The following OXR1 variants were observed in gnomAD, a reference collection of about 807,000 sequenced individuals.
OXR1 encodes oxidation resistance 1, also known as oxidation resistance protein 1.
A neutral mutation model predicts 104.6 loss-of-function variants in OXR1; 41 were observed. The observed-to-expected ratio is 0.39, with a 90% CI of 0.31 to 0.51. The LOEUF is 0.51. Among genes scored for constraint, OXR1 ranks in the 20% least tolerant of loss-of-function variants. The probability of loss-of-function intolerance (pLI) is 0.77; values close to 1 mark genes in which losing one functional copy is unlikely to be tolerated. For synonymous variants in OXR1, 348 were observed against 348.4 expected (o/e 1.00, Z 0.01); for missense variants, 955 against 1,031.9 (o/e 0.93, Z 1.02).
At chr8:106,453,011 C>G (rs966375552) in intron 2 of OXR1, among the ~76,000 whole-genome samples, 1 of 152,118 alleles carries the variant, frequency 6.6e-6, no homozygotes, top group African/African-American at 2.4e-5. Flanking sequence ...GTGCTCTGCT[C>G]TTTCTCACCT....
intron 2 of OXR1, among the ~76,000 whole-genome samples, chr8:106,430,683 C>G (rs565394568): frequency 6.6e-6 from 1 of 152,236 alleles, no homozygotes; most frequent in Admixed American, 6.5e-5. Flanking sequence ...AATAATAGAG[C>G]CTTCTTATGA....
chr8:106,578,471 C>T (rs73699591), intron 3 of OXR1, among the ~76,000 whole-genome samples: 1,817 of 152,258 alleles, frequency 0.012, 16 homozygotes, highest in East Asian at 0.033. Context: ...ATGGTAACTC[C>T]GATAGAAGCT....
At chr8:106,511,438 A>G (rs1234865856) in intron 2 of OXR1, among the ~76,000 whole-genome samples, 2 of 152,168 alleles carry the variant, frequency 1.3e-5, no homozygotes, top group Admixed American at 1.3e-4. Context: ...TGTGCAAACC[A>G]CAGATGGTCT....
At chr8:106,609,914 A>G (rs890009771) in intron 3 of OXR1, among the ~76,000 whole-genome samples, 2 of 152,082 alleles carry the variant, frequency 1.3e-5, no homozygotes, top group East Asian at 3.9e-4. Flanking sequence ...AGTATGAACA[A>G]TAGTTGAATA....
chr8:106,513,425 A>G (rs1199905314), intron 2 of OXR1, among the ~76,000 whole-genome samples: 1 of 152,024 alleles, frequency 6.6e-6, no homozygotes, highest in Non-Finnish European at 1.5e-5. Context: ...ACACACACAC[A>G]CACACACTCA....
intron 3 of OXR1, among the ~76,000 whole-genome samples, chr8:106,626,317 C>G (rs1378391717): frequency 6.6e-6 from 1 of 151,030 alleles, no homozygotes; most frequent in Non-Finnish European, 1.5e-5. Context: ...TGAAGGTTAT[C>G]TTTAAAATTC....
intron 2 of OXR1, among the ~76,000 whole-genome samples, chr8:106,487,332 G>T: frequency 1.2e-5 from 1 of 81,078 alleles, no homozygotes; most frequent in Admixed American, 1.5e-4. Flanking sequence ...ATCTAAACCA[G>T]GTATTTCTTT....
intron 1 of OXR1, among the ~76,000 whole-genome samples, chr8:106,327,586 C>T (rs1180669529): frequency 2.6e-5 from 4 of 152,138 alleles, no homozygotes; most frequent in Admixed American, 1.3e-4. Flanking sequence ...TTGCTAAATG[C>T]AGCTCACCAC....
At chr8:106,420,635 A>G (rs1237397715) in intron 2 of OXR1, among the ~76,000 whole-genome samples, 1 of 151,906 alleles carries the variant, frequency 6.6e-6, no homozygotes, top group African/African-American at 2.4e-5. Flanking sequence ...CATTAAGAAG[A>G]TATCACATCA....
intron 2 of OXR1, among the ~76,000 whole-genome samples, chr8:106,397,965 A>G (rs557615375): frequency 8.5e-5 from 13 of 152,150 alleles, no homozygotes; most frequent in Non-Finnish European, 1.9e-4. Flanking sequence ...CCTAGCTTCC[A>G]GCAGTTTGCT....
chr8:106,331,085 G>T (rs1814695676), intron 1 of OXR1, among the ~76,000 whole-genome samples: 1 of 152,118 alleles, frequency 6.6e-6, no homozygotes, highest in Non-Finnish European at 1.5e-5. Context: ...GCCCAGAATT[G>T]CTTCAATACA....
intron 2 of OXR1, among the ~76,000 whole-genome samples, chr8:106,474,813 T>G (rs1821714300): frequency 6.6e-6 from 1 of 151,988 alleles, no homozygotes; most frequent in Non-Finnish European, 1.5e-5. Flanking sequence ...TGCTTCAGTT[T>G]CTTCATCTGC....
chr8:106,700,933 GGAGA>G (rs1213376457), intron 7 of OXR1, among the ~76,000 whole-genome samples: 2 of 151,892 alleles, frequency 1.3e-5, no homozygotes, highest in Non-Finnish European at 2.9e-5. Flanking sequence ...ACAGAAGATG[GGAGA>G]GAGAAAGTTA....
chr8:106,567,270 T>C (rs560658232), intron 3 of OXR1, among the ~76,000 whole-genome samples: 8 of 152,246 alleles, frequency 5.3e-5, no homozygotes, highest in African/African-American at 1.7e-4. Context: ...AGATATTGAA[T>C]CTATTTAGAT....
intron 16 of OXR1, among the ~76,000 whole-genome samples, chr8:106,749,176 A>C (rs1835664544): frequency 6.6e-6 from 1 of 151,690 alleles, no homozygotes; most frequent in African/African-American, 2.4e-5. Flanking sequence ...TCCCATCTCT[A>C]CTAAAAAACA....
At chr8:106,409,209 C>T (rs1189648804) in intron 2 of OXR1, among the ~76,000 whole-genome samples, 1 of 152,020 alleles carries the variant, frequency 6.6e-6, no homozygotes, top group East Asian at 1.9e-4. Flanking sequence ...GTAGGATAAC[C>T]CCATTAGCTT....
intron 3 of OXR1, among the ~76,000 whole-genome samples, chr8:106,563,341 T>G (rs911471718): frequency 3.3e-5 from 5 of 150,388 alleles, no homozygotes; most frequent in Admixed American, 2.0e-4. Flanking sequence ...GTTGCTATCC[T>G]AGTCTCTGGT....
At chr8:106,582,023 C>CAAAA (rs71307074) in intron 3 of OXR1, among the ~76,000 whole-genome samples, 10 of 69,578 alleles carry the variant, frequency 1.4e-4, no homozygotes, top group African/African-American at 1.8e-4. Context: ...GACTCTGTCT[C>CAAAA]AAAAAAAAAA....
intron 3 of OXR1, among the ~76,000 whole-genome samples, chr8:106,643,965 T>C (rs377705868): frequency 8.5e-4 from 129 of 152,364 alleles, no homozygotes; most frequent in African/African-American, 2.9e-3. Context: ...AACCATTTTC[T>C]AGTGTACTTT....
Sources: allele counts gnomAD v4.1 joint callset (sites outside exome capture counted in the v4.1 genomes callset), GRCh38; gene constraint gnomAD v4.1.1; transcripts MANE v1.5; gene names NCBI Gene and HGNC (gene_info 2026-07-23, HGNC 2026-07-21).